Variants in STX10 observed in about 807,000 individuals in gnomAD.
STX10 encodes syntaxin 10.
A neutral mutation model predicts 34.1 loss-of-function variants in STX10; 35 were observed. That is an observed-to-expected ratio of 1.03 (90% confidence interval 0.78 to 1.36). STX10 has a LOEUF of 1.36. Ranked by LOEUF, STX10 falls within the 40% of genes most tolerant of loss-of-function variation. The pLI, the probability that STX10 is intolerant of heterozygous loss-of-function variation, is 0.00. For missense variants in STX10, 361 were observed against 335.5 expected (o/e 1.08, Z -0.59); for synonymous variants, 155 against 132.9 (o/e 1.17, Z -1.15).
Position 13,149,819 on chromosome 19 carries a change from G to C in STX10, c.114C>G (p.Val38=). The C allele has an allele frequency of 1.9e-6, 3 of 1,613,638 alleles. No individual in the cohort carries two copies. Among genetic ancestry groups the C allele is most frequent in the Non-Finnish European group, 2.5e-6 (3 of 1,179,996 alleles). Residue 38 remains valine (V), a synonymous_variant, in exon 2 of 8, where the codon GTC becomes GTG. Coordinates refer to ENST00000587230, the MANE Select transcript of STX10 (RefSeq NM_003765.3). The part of the protein sequence containing the change: ...WCELLQESAA[V]GREELDWTTN... ...TCGTCCAGTCCAGCTCCTCGCGTCC[G>C]ACCGCCGCGCTTTCCTGCAGGAGCT...
chr19:13,149,007 A>C, intron 4 of STX10, 22 bp downstream of exon 4: 1 of 1,592,828 alleles, frequency 6.3e-7, no homozygotes, highest in South Asian at 1.1e-5. Flanking sequence ...TCAGGTGGGC[A>C]GGGTGGGTCA....
rs371673152 is a variant in STX10 at position 13,149,501 on chromosome 19, G to A, written c.298C>T (p.Gln100Ter). 2 of 1,613,136 alleles carry A rather than the reference G, an allele frequency of 1.2e-6. No individual in the cohort carries two copies. Among genetic ancestry groups the A allele is most frequent in the South Asian group, 2.2e-5 (2 of 91,036 alleles). The change falls in exon 3 of 8, where the codon CAG (glutamine) becomes TAG (stop). Residue 100 changes from glutamine (Q) to a stop codon, truncating the protein, a stop_gained and splice_region_variant. Coordinates refer to ENST00000587230, the MANE Select transcript of STX10 (RefSeq NM_003765.3). LOFTEE classifies it high-confidence loss of function. The stretch of plus-strand genomic sequence containing the variant: ...CCGCCTGCAGGACCTTTCCTGACCT[G>A]GACTGCCTCTCGCATCCGCTCCACG... ...VFVERMREAVQEMKDHMVSPT... is the reference protein window; with the variant it reads ...VFVERMREAV
At chr19:13,149,141 G>A in intron 3 of STX10, 50 bp from the exon 4 acceptor site, 1 of 1,506,142 alleles carries the variant, frequency 6.6e-7, no homozygotes, top group Middle Eastern at 1.7e-4. Context: ...GCTGGGCGCG[G>A]TGGCTCACGC....
chr19:13,148,842 G>A (rs372831251), intron 4 of STX10, among the ~76,000 whole-genome samples, 187 bp downstream of exon 4: 4 of 151,946 alleles, frequency 2.6e-5, no homozygotes, highest in African/African-American at 7.3e-5. Flanking sequence ...AGGAACCCAC[G>A]GACATATACA....
In STX10 at chr19:13,144,591, G is replaced by A; in HGVS notation, c.659C>T (p.Ser220Phe). 1.9e-6 allele frequency: 3 copies of A among 1,614,136 alleles called. No homozygotes were observed. ...AGGGGACTCACCACTCGTCATGTGG[G>A]ATACTTTGGCCAACTTCCTGAGGAC... ...DGVLRKLAKV[S>F]HMTSDRRQWC... Residue 220 changes from serine (S) to phenylalanine (F), a missense_variant, in exon 7 of 8, where the codon TCC (serine) becomes TTC (phenylalanine). Coordinates refer to ENST00000587230, the MANE Select transcript of STX10 (RefSeq NM_003765.3).
In STX10 at chr19:13,144,396, A is replaced by C; in HGVS notation, c.*14T>G. 1 of 1,604,264 alleles carries C rather than the reference A, an allele frequency of 6.2e-7. No homozygotes were observed. The highest frequency in any genetic ancestry group is 8.5e-7 in the Non-Finnish European group (1 of 1,176,468). On this transcript the variant is annotated 3_prime_UTR_variant, in exon 8 of 8. Coordinates refer to ENST00000587230, the MANE Select transcript of STX10 (RefSeq NM_003765.3). ...CCCAGGCTTAAGGGACCAGCCTGCC[A>C]GGGAGGGCTGGGGTCAGAGAGAGAA... is the stretch of plus-strand genomic sequence containing the variant.
chr19:13,144,892 G>A (rs758875881), intron 5 of STX10, 22 bp from the exon 6 acceptor site: 1 of 1,600,988 alleles, frequency 6.2e-7, no homozygotes, highest in Non-Finnish European at 8.5e-7. Flanking sequence ...AGGGGTGGGA[G>A]ATGCTGTTGA....
At position 13,150,045 on chromosome 19, in the gene STX10, T is replaced by C; in HGVS notation, c.35+94A>G. The C allele has an allele frequency of 1.6e-6, 2 of 1,262,328 alleles. No individual in the cohort carries two copies. The highest frequency in any genetic ancestry group is 1.5e-5 in the African/African-American group (1 of 67,384). The allele number at this position is 1,262,328 out of a possible 1,614,324, so 78.2% of individuals were successfully genotyped here. On this transcript the variant is annotated intron_variant, in intron 1 of 7. Transcript: ENST00000587230. This position sits in a 1 kb window ranked among gnomAD's most constrained non-coding sequence, Gnocchi z 4.0. ...CTCCCACTCTGCACCCCGACGGCCT[T>C]GCCCAGCCCGCCGGGCACGCTGGGG...
rs200435806 is a variant in STX10, at chr19:13,148,989, C to T, written c.363+40G>A. 4 of 1,569,202 alleles carry T rather than the reference C, an allele frequency of 2.5e-6. No homozygotes were observed. In the East Asian group the frequency reaches 7.0e-5, roughly 27 times the overall value. ...ACAGAGGGATCTGGCTTGGTTACCCCCAGGGGCTCAGGTGGGCAGGGTGGG... is the reference window on the plus strand; with the variant it reads ...ACAGAGGGATCTGGCTTGGTTACCCTCAGGGGCTCAGGTGGGCAGGGTGGG... On this transcript the variant is annotated intron_variant, in intron 4 of 7. Transcript: ENST00000587230.
chr19:13,149,016 C>T lies in STX10; in HGVS notation c.363+13G>A. 6.3e-7 allele frequency: 1 copy of T among 1,597,344 alleles called. No homozygotes were observed. The highest frequency in any genetic ancestry group is 2.3e-5 in the East Asian group (1 of 44,138). On this transcript the variant is annotated intron_variant, in intron 4 of 7. Coordinates refer to ENST00000587230, the MANE Select transcript of STX10 (RefSeq NM_003765.3). Reference sequence around the variant, plus strand: ...AGGGGCTCAGGTGGGCAGGGTGGGTCAGGAAGGCTTACCTCTCTGTTATTC... The same window carrying T: ...AGGGGCTCAGGTGGGCAGGGTGGGTTAGGAAGGCTTACCTCTCTGTTATTC...
In STX10 at chr19:13,149,817, C is replaced by T; in HGVS notation, c.116G>A (p.Gly39Glu). 6.2e-7 allele frequency: 1 copy of T among 1,613,774 alleles called. No homozygotes were observed. Among genetic ancestry groups the T allele is most frequent in the Non-Finnish European group, 8.5e-7 (1 of 1,180,020 alleles). ...CELLQESAAV[G>E]REELDWTTNE... The stretch of plus-strand genomic sequence containing the variant: ...GGTCGTCCAGTCCAGCTCCTCGCGT[C>T]CGACCGCCGCGCTTTCCTGCAGGAG... The change falls in exon 2 of 8, where the codon GGA becomes GAA. Residue 39 changes from glycine (G) to glutamate (E), a missense_variant. By Grantham distance (98) the Gly-to-Glu change is moderately conservative. Transcript: ENST00000587230.
Position 13,144,463 on chromosome 19 carries a change from C to T in STX10, c.697G>A (p.Ala233Thr), listed in dbSNP as rs574785224. The part of the protein sequence containing the change: ...TSDRRQWCAI[A>T]VLVGVLLLVL... ...AGGAGAAGCACCCCCACTAGCACGGCGATGGCACACCACTGTCGGCGGTCT... is the reference window on the plus strand; with the variant it reads ...AGGAGAAGCACCCCCACTAGCACGGTGATGGCACACCACTGTCGGCGGTCT... The change falls in exon 8 of 8, where the codon GCC becomes ACC. Residue 233 changes from alanine (A) to threonine (T), a missense_variant. Ala to Thr is a moderately conservative substitution (Grantham distance 58). Transcript: ENST00000587230. The T allele has an allele frequency of 8.1e-6, 13 of 1,613,282 alleles. No homozygotes were observed. The highest frequency in any genetic ancestry group is 5.3e-5 in the African/African-American group (4 of 75,024).
rs1183956890 is a variant in STX10, at chr19:13,150,352, T to C, written c.-179A>G. ...CCGACGTGCGGACACTTCCGCCCTC[T>C]CCTCAGCCATCTTGGTTGTGGGCAG... is the stretch of plus-strand genomic sequence containing the variant. On this transcript the variant is annotated 5_prime_UTR_variant, in exon 1 of 8. Transcript: ENST00000587230. The surrounding 1 kb of genome is among the most constrained non-coding windows in gnomAD (Gnocchi z 4.0). 16 of 577,900 alleles carry C rather than the reference T, an allele frequency of 2.8e-5. No homozygotes were observed. Among genetic ancestry groups the C allele is most frequent in the Non-Finnish European group, 4.9e-5 (16 of 323,690 alleles). 35.8% of individuals were successfully genotyped at this position (577,900 alleles called of 1,614,324 possible).
intron 3 of STX10, 47 bp from the exon 4 acceptor site, chr19:13,149,138 G>A (rs752000703): frequency 1.2e-5 from 18 of 1,523,058 alleles, no homozygotes; most frequent in Admixed American, 1.2e-4. Flanking sequence ...CAGGCTGGGC[G>A]CGGTGGCTCA....
chr19:13,148,542 T>G (rs1446973625), intron 4 of STX10, among the ~76,000 whole-genome samples: 2 of 145,840 alleles, frequency 1.4e-5, no homozygotes, highest in Admixed American at 6.9e-5. Context: ...TACCCTGGCA[T>G]GGTGACGAGC....
Position 13,144,478 on chromosome 19 carries a change from GT to G in STX10, c.681del (p.Gln228SerfsTer8). 6.2e-7 allele frequency: 1 copy of G among 1,613,580 alleles called. No homozygotes were observed. Among genetic ancestry groups the G allele is most frequent in the Non-Finnish European group, 8.5e-7 (1 of 1,179,866 alleles). On this transcript the variant is annotated frameshift_variant, in exon 8 of 8. Transcript: ENST00000587230. LOFTEE classifies it low-confidence loss of function (END_TRUNC). ...ACTAGCACGGCGATGGCACACCACTGTCGGCGGTCTGGGAACGAGAAGGTCA... is the reference window on the plus strand; with the variant it reads ...ACTAGCACGGCGATGGCACACCACTGCGGCGGTCTGGGAACGAGAAGGTCA... ...AKVSHMTSDR[R>X]QWCAIAVLVG... is the part of the protein sequence containing the mutation.
chr19:13,145,150 G>C (rs920377502), intron 5 of STX10, 138 bp downstream of exon 5: 1 of 798,142 alleles, frequency 1.3e-6, no homozygotes, highest in African/African-American at 1.7e-5. Flanking sequence ...AGTGAGCTGA[G>C]ATCGCGCCAC....
intron 5 of STX10, 52 bp downstream of exon 5, chr19:13,145,231 CTCAGA>C (rs2019870199): frequency 6.6e-7 from 1 of 1,509,054 alleles, no homozygotes; most frequent in African/African-American, 1.4e-5. Flanking sequence ...GACCCCAGAC[CTCAGA>C]TCAGTCTGCA....
In STX10 at chr19:13,150,080, G is replaced by A; in HGVS notation, c.35+59C>T. 1 of 1,112,336 alleles carries A rather than the reference G, an allele frequency of 9.0e-7. No homozygotes were observed. Among genetic ancestry groups the A allele is most frequent in the South Asian group, 1.3e-5 (1 of 75,838 alleles). 68.9% of individuals were successfully genotyped at this position (1,112,336 alleles called of 1,614,324 possible). On this transcript the variant is annotated intron_variant, in intron 1 of 7. Coordinates refer to ENST00000587230, the MANE Select transcript of STX10 (RefSeq NM_003765.3). The surrounding 1 kb of genome is among the most constrained non-coding windows in gnomAD (Gnocchi z 4.0). ...GCCGGGCACGCTGGGGCCGGCACCC[G>A]GGCACTGGCTGGCTTGGGTACAGAG... is the stretch of plus-strand genomic sequence containing the variant.
Sources: allele counts gnomAD v4.1 joint callset (sites outside exome capture counted in the v4.1 genomes callset), GRCh38; gene constraint gnomAD v4.1.1; non-coding constraint Gnocchi (gnomAD v3.1); transcripts MANE v1.5; gene names NCBI Gene and HGNC (gene_info 2026-07-23, HGNC 2026-07-21).